The following FBXL13 variants were observed in gnomAD, a reference collection of about 807,000 sequenced individuals.
FBXL13 encodes F-box and leucine-rich repeat protein 13.
Under a neutral mutation model 83.6 loss-of-function variants are expected in FBXL13, and 67 were observed. The ratio of observed to expected loss-of-function variants is 0.80; its 90% CI spans 0.66 to 0.98. FBXL13 has a LOEUF of 0.98. Among genes scored for constraint, FBXL13 ranks in the 50% least tolerant of loss-of-function variants. The pLI is 0.00. For synonymous variants in FBXL13, 272 were observed against 299.5 expected, an observed-to-expected ratio of 0.91 and a Z score of 0.95; for missense variants, 822 against 866.5, an observed-to-expected ratio of 0.95 and a Z score of 0.64.
chr7:102,944,243 T>C (rs1822029178), intron 8 of FBXL13: 1 of 1,611,026 alleles, frequency 6.2e-7, no homozygotes, highest in Admixed American at 1.7e-5. Context: ...TTAGAAGAAT[T>C]AGATTTATCA....
At chr7:102,972,572 G>A (rs953148581) in intron 6 of FBXL13, among the ~76,000 whole-genome samples, 2 of 151,910 alleles carry the variant, frequency 1.3e-5, no homozygotes, top group East Asian at 3.8e-4. Flanking sequence ...TAATGGGTGC[G>A]CTAAAATCTG....
At chr7:103,021,138 T>C (rs1316505775) in intron 6 of FBXL13, among the ~76,000 whole-genome samples, 2 of 152,150 alleles carry the variant, frequency 1.3e-5, no homozygotes, top group South Asian at 2.1e-4. Context: ...AACAGAGATA[T>C]AGACCAATGG....
intron 2 of FBXL13, among the ~76,000 whole-genome samples, chr7:103,042,883 GCAATACCATT>G (rs1208107964): frequency 6.6e-6 from 1 of 152,138 alleles, no homozygotes; most frequent in Non-Finnish European, 1.5e-5. Context: ...GAAAACCTAA[GCAATACCATT>G]CAGGACATAG....
intron 2 of FBXL13, among the ~76,000 whole-genome samples, chr7:103,037,734 G>A (rs1795211284): frequency 6.6e-6 from 1 of 151,996 alleles, no homozygotes. Flanking sequence ...TTGAGCTCAG[G>A]AATTCAAGGT....
At chr7:102,890,662 T>C (rs139753844) in intron 11 of FBXL13, among the ~76,000 whole-genome samples, 1 of 152,360 alleles carries the variant, frequency 6.6e-6, no homozygotes, top group Non-Finnish European at 1.5e-5. Context: ...CTCAGATCCC[T>C]CTGCCGCTCT....
chr7:102,985,268 T>A (rs1452570207), intron 6 of FBXL13, among the ~76,000 whole-genome samples: 1 of 152,176 alleles, frequency 6.6e-6, no homozygotes, highest in East Asian at 1.9e-4. Context: ...ACAGTCAAAT[T>A]CTCTGTAGAC....
At chr7:102,905,880 CAAAT>C (rs886957762) in intron 11 of FBXL13, among the ~76,000 whole-genome samples, 24 of 152,116 alleles carry the variant, frequency 1.6e-4, no homozygotes, top group African/African-American at 5.5e-4. Context: ...CATAAACAAA[CAAAT>C]AAACATACAA....
intron 6 of FBXL13, among the ~76,000 whole-genome samples, chr7:103,022,340 G>A (rs1000153446): frequency 6.1e-4 from 91 of 149,348 alleles, no homozygotes; most frequent in African/African-American, 1.7e-3. Flanking sequence ...TGGGGTGGGG[G>A]GAGGGGTGAG....
rs775316277 is a variant in FBXL13, at chr7:102,889,388, A to T, written c.1009-5076T>A. Among the ~76,000 whole-genome samples, 46 of 152,228 alleles carry T rather than the reference A, an allele frequency of 3.0e-4. No individual in the cohort carries two copies. The Middle Eastern group carries it at 0.014, about 45-fold the overall frequency. ...TATGACACACAACCCCAGGTTTGAG[A>T]ACTGTTTTTTGTTTGTTTTTAATTT... On this transcript the variant is annotated intron_variant, in intron 11 of 19. Transcript: ENST00000313221.
At chr7:103,065,225 C>T (rs1289622380) in intron 1 of FBXL13, among the ~76,000 whole-genome samples, 1 of 152,090 alleles carries the variant, frequency 6.6e-6, no homozygotes, top group Non-Finnish European at 1.5e-5. Context: ...AAATTTCAAA[C>T]ATTTAGAAAC....
intron 6 of FBXL13, among the ~76,000 whole-genome samples, chr7:103,020,037 A>G (rs945762269): frequency 6.6e-6 from 1 of 152,204 alleles, no homozygotes; most frequent in African/African-American, 2.4e-5. Context: ...AGAACTTTAG[A>G]TCAATATCCC....
intron 17 of FBXL13, among the ~76,000 whole-genome samples, chr7:102,844,288 C>T (rs367765449): frequency 1.3e-5 from 2 of 152,046 alleles, no homozygotes; most frequent in Non-Finnish European, 2.9e-5. Context: ...TGACGATTAT[C>T]GAAGTCTGAA....
intron 6 of FBXL13, among the ~76,000 whole-genome samples, chr7:102,998,093 T>C (rs1009469893): frequency 6.6e-6 from 1 of 152,206 alleles, no homozygotes; most frequent in Non-Finnish European, 1.5e-5. Flanking sequence ...GTCTTTCTGA[T>C]AAAGGATGAT....
At chr7:102,936,828 A>C (rs1820408288) in intron 8 of FBXL13, among the ~76,000 whole-genome samples, 1 of 152,224 alleles carries the variant, frequency 6.6e-6, no homozygotes, top group African/African-American at 2.4e-5. Context: ...TTCTAAGAAG[A>C]GATAACATGT....
chr7:102,912,673 C>G (rs1340055053), intron 11 of FBXL13, among the ~76,000 whole-genome samples: 5 of 73,898 alleles, frequency 6.8e-5, no homozygotes, highest in Non-Finnish European at 9.6e-5. Context: ...AGCATTTTAC[C>G]CCCCCCCCCC....
At chr7:102,932,490 T>TC (rs1481049864) in intron 8 of FBXL13, among the ~76,000 whole-genome samples, 2 of 6,368 alleles carry the variant, frequency 3.1e-4, no homozygotes, top group East Asian at 0.013. Flanking sequence ...CCAGTACACT[T>TC]CCCCCCAAAT....
intron 11 of FBXL13, among the ~76,000 whole-genome samples, chr7:102,892,849 G>A (rs1038736238): frequency 5.9e-5 from 9 of 152,256 alleles, no homozygotes; most frequent in African/African-American, 1.9e-4. Context: ...ACACAATAAT[G>A]TGCTACTGCA....
At chr7:103,027,659 C>T (rs1224209179) in intron 4 of FBXL13, 101 bp from the exon 6 acceptor site, 11 of 665,354 alleles carry the variant, frequency 1.7e-5, no homozygotes, top group Non-Finnish European at 2.1e-5. Flanking sequence ...GAGACAATGT[C>T]GCATCTGATC....
At chr7:103,023,371 CAACCA>C (rs1167076311) in intron 6 of FBXL13, among the ~76,000 whole-genome samples, 2 of 152,078 alleles carry the variant, frequency 1.3e-5, no homozygotes, top group East Asian at 3.8e-4. Flanking sequence ...GACATACAGG[CAACCA>C]ATGAGCATAT....
Sources: allele counts gnomAD v4.1 joint callset (sites outside exome capture counted in the v4.1 genomes callset), GRCh38; gene constraint gnomAD v4.1.1; transcripts MANE v1.5; gene names NCBI Gene and HGNC (gene_info 2026-07-23, HGNC 2026-07-21).